Variants in PRMT8 observed in about 807,000 individuals in gnomAD.
PRMT8 encodes the protein protein arginine methyltransferase 8.
In PRMT8, 7 loss-of-function variants were observed where a neutral mutation model predicts 47.1. The ratio of observed to expected loss-of-function variants is 0.15; its 90% CI spans 0.08 to 0.28. PRMT8 has a LOEUF of 0.28. Among genes scored for constraint, PRMT8 ranks in the 10% least tolerant of loss-of-function variants. PRMT8 has a pLI of 1.00. For missense variants in PRMT8, 237 were observed against 505.4 expected, an observed-to-expected ratio of 0.47 and a Z score of 5.09; for synonymous variants, 188 against 186.5, an observed-to-expected ratio of 1.01 and a Z score of -0.07.
At chr12:3,420,520 C>G (rs939342316) in intron 1 of PRMT8, among the ~76,000 whole-genome samples, 2 of 152,270 alleles carry the variant, frequency 1.3e-5, no homozygotes, top group African/African-American at 4.8e-5. Context: ...CTGTGACAGC[C>G]TCCCAGCAGT....
intron 1 of PRMT8, among the ~76,000 whole-genome samples, chr12:3,447,633 C>T (rs11615941): frequency 0.17 from 25,151 of 152,096 alleles, 2,419 homozygotes; most frequent in African/African-American, 0.24. Context: ...TGTACCCGTG[C>T]ATCCACCCCG....
rs149388529 is a variant in PRMT8 at position 3,476,139 on chromosome 12, A to G, written c.49-64467A>G. Among the ~76,000 whole-genome samples the G allele has an allele frequency of 3.8e-3, 572 of 152,286 alleles. 5 individuals are homozygous for G. The East Asian group carries it at 0.052, about 14-fold the overall frequency. On this transcript the variant is annotated intron_variant, in intron 1 of 9. Coordinates refer to the PRMT8 transcript ENST00000452611. ...GAGTTTCCAGAGCAGAGAGCCAGAC[A>G]CTTTCTAGCCCTACTGGGAACCAAG...
At chr12:3,591,698 G>C (rs1299709189) in intron 8 of PRMT8, among the ~76,000 whole-genome samples, 5 of 152,138 alleles carry the variant, frequency 3.3e-5, no homozygotes, top group Non-Finnish European at 4.4e-5. Flanking sequence ...GTGCCCAGCA[G>C]GAAAAGCTAG....
chr12:3,443,839 T>C (rs1321364612), intron 1 of PRMT8, among the ~76,000 whole-genome samples: 1 of 152,214 alleles, frequency 6.6e-6, no homozygotes, highest in South Asian at 2.1e-4. Flanking sequence ...CCCCATATGG[T>C]TCAGCCACGA....
At chr12:3,505,259 T>C (rs1360615671) in intron 1 of PRMT8, among the ~76,000 whole-genome samples, 1 of 152,238 alleles carries the variant, frequency 6.6e-6, no homozygotes, top group African/African-American at 2.4e-5. Context: ...GAGCTCACTG[T>C]CACAGGTACT....
chr12:3,558,241 TTCCTCCCCTTCCTTC>T (rs1314773525), intron 4 of PRMT8, among the ~76,000 whole-genome samples: 1 of 151,296 alleles, frequency 6.6e-6, no homozygotes, highest in Non-Finnish European at 1.5e-5. Context: ...CTTCCTCCCC[TTCCTCCCCTTCCTTC>T]TCCTCCCCTT....
At chr12:3,487,190 GA>G (rs1266140267), upstream of PRMT8, among the ~76,000 whole-genome samples, 1 of 152,198 alleles carries the variant, frequency 6.6e-6, no homozygotes, top group African/African-American at 2.4e-5. Flanking sequence ...GATTCTCGAG[GA>G]GTCGTGGATT....
At chr12:3,530,620 G>C (rs1015519134) in intron 1 of PRMT8, among the ~76,000 whole-genome samples, 1 of 152,158 alleles carries the variant, frequency 6.6e-6, no homozygotes, top group Non-Finnish European at 1.5e-5. Context: ...TGCCCAGAAA[G>C]CTCAGAGGAC....
intron 1 of PRMT8, among the ~76,000 whole-genome samples, chr12:3,527,715 A>T (rs1453697229): frequency 6.6e-6 from 1 of 152,162 alleles, no homozygotes; most frequent in African/African-American, 2.4e-5. Flanking sequence ...TTTAAATAAT[A>T]AGAAAAAAAG....
intron 1 of PRMT8, among the ~76,000 whole-genome samples, chr12:3,417,910 G>A (rs984764918): frequency 2.6e-5 from 4 of 152,214 alleles, no homozygotes; most frequent in Admixed American, 6.5e-5. Context: ...TTCATATCCC[G>A]GCTCTGCTCC....
chr12:3,402,595 A>G (rs1230243155), intron 1 of PRMT8, among the ~76,000 whole-genome samples: 1 of 152,250 alleles, frequency 6.6e-6, no homozygotes, highest in Non-Finnish European at 1.5e-5. Flanking sequence ...TAATATCCAT[A>G]GTCTATAAGG....
intron 1 of PRMT8, among the ~76,000 whole-genome samples, chr12:3,428,982 A>G (rs956535788): frequency 4.3e-5 from 5 of 117,502 alleles, no homozygotes; most frequent in African/African-American, 1.3e-4. Flanking sequence ...CCTTGACTCC[A>G]TCTTTGTCTC....
chr12:3,559,425 C>G (rs2137191149), intron 4 of PRMT8, among the ~76,000 whole-genome samples: 1 of 152,286 alleles, frequency 6.6e-6, no homozygotes, highest in African/African-American at 2.4e-5. Context: ...GGCTGTTTCA[C>G]TGGGGAGAGC....
rs1470322931 is a variant in PRMT8 at position 3,572,253 on chromosome 12, G to A, written c.712+2689G>A. 6.6e-6 allele frequency among the ~76,000 whole-genome samples: 1 copy of A among 152,192 alleles called. No individual in the cohort carries two copies. The highest frequency in any genetic ancestry group is 2.4e-5 in the African/African-American group (1 of 41,432). On this transcript the variant is annotated intron_variant, in intron 6 of 9. Transcript: ENST00000382622. The surrounding 1 kb of genome is among the most constrained non-coding windows in gnomAD (Gnocchi z 5.9). The stretch of plus-strand genomic sequence containing the variant: ...TACATAATTTTAACGAAGGAAGGAA[G>A]GAAGGAAGGAAAGTGAACCAGCAGA...
At chr12:3,568,004 G>A (rs1347729352) in intron 4 of PRMT8, among the ~76,000 whole-genome samples, 5 of 151,774 alleles carry the variant, frequency 3.3e-5, no homozygotes, top group Non-Finnish European at 5.9e-5. Flanking sequence ...CCTGGGAGGC[G>A]GAGGTTGTGG....
At chr12:3,488,793 A>G (rs1865345701), upstream of PRMT8, among the ~76,000 whole-genome samples, 1 of 152,266 alleles carries the variant, frequency 6.6e-6, no homozygotes, top group South Asian at 2.1e-4. Context: ...ATAGTTCTAC[A>G]AAGTACCTAC....
intron 6 of PRMT8, among the ~76,000 whole-genome samples, chr12:3,574,736 G>A (rs1591610796): frequency 6.6e-6 from 1 of 152,032 alleles, no homozygotes; most frequent in Non-Finnish European, 1.5e-5. Context: ...GGTTATATTC[G>A]TGCCTAAGAT....
At chr12:3,478,849 A>G (rs1182459488) in intron 1 of PRMT8, among the ~76,000 whole-genome samples, 1 of 152,260 alleles carries the variant, frequency 6.6e-6, no homozygotes, top group Non-Finnish European at 1.5e-5. Flanking sequence ...CAAGGTTGGC[A>G]TCTACTTGAA....
intron 1 of PRMT8, among the ~76,000 whole-genome samples, chr12:3,509,185 C>A (rs1346299485): frequency 6.6e-6 from 1 of 152,162 alleles, no homozygotes; most frequent in African/African-American, 2.4e-5. Context: ...AGGATCATGA[C>A]CCACTCCTCA....
Sources: allele counts gnomAD v4.1 joint callset (sites outside exome capture counted in the v4.1 genomes callset), GRCh38; gene constraint gnomAD v4.1.1; non-coding constraint Gnocchi (gnomAD v3.1); transcripts MANE v1.5; gene names NCBI Gene and HGNC (gene_info 2026-07-23, HGNC 2026-07-21).